Variants in ACAT2 observed in about 807,000 individuals in gnomAD.
ACAT2 encodes acetyl-CoA acetyltransferase, cytosolic.
In ACAT2, 26 loss-of-function variants were observed where a neutral mutation model predicts 37.1. The ratio of observed to expected loss-of-function variants is 0.70; its 90% CI spans 0.51 to 0.97. The LOEUF (loss-of-function observed/expected upper bound fraction) is 0.97. Ranked by LOEUF, ACAT2 falls within the 50% of genes least tolerant of loss-of-function variation. The pLI is 0.00. For missense variants in ACAT2, 468 were observed against 489.0 expected (o/e 0.96, Z 0.40); for synonymous variants, 156 against 163.6 (o/e 0.95, Z 0.35).
chr6:159,772,756 C>T (rs1448627083), intron 4 of ACAT2, among the ~76,000 whole-genome samples: 1 of 151,234 alleles, frequency 6.6e-6, no homozygotes, highest in East Asian at 1.9e-4. Context: ...TTGATTTTGC[C>T]TGTTAGTAGC....
intron 2 of ACAT2, 131 bp from the exon 3 acceptor site, chr6:159,766,874 G>A: frequency 9.5e-7 from 1 of 1,053,720 alleles, no homozygotes; most frequent in South Asian, 1.5e-5. Flanking sequence ...TTTGCCTCCA[G>A]TGGGCACTTA....
intron 4 of ACAT2, among the ~76,000 whole-genome samples, chr6:159,773,275 G>T (rs541594406): frequency 6.6e-6 from 1 of 152,296 alleles, no homozygotes; most frequent in East Asian, 1.9e-4. Flanking sequence ...TACCATGAGT[G>T]TGTGTGTATA....
intron 4 of ACAT2, among the ~76,000 whole-genome samples, chr6:159,773,536 T>C (rs1168054820): frequency 1.3e-5 from 2 of 152,190 alleles, no homozygotes; most frequent in African/African-American, 2.4e-5. Context: ...TTTCCTGTAG[T>C]GGAATTTTGA....
At chr6:159,772,885 G>T (rs7738253) in intron 4 of ACAT2, among the ~76,000 whole-genome samples, 114,857 of 151,990 alleles carry the variant, frequency 0.76, 43,777 homozygotes, top group South Asian at 0.84. Context: ...TAACTTTTTT[G>T]TGTGTGTGTG....
In ACAT2 at chr6:159,762,944, T is replaced by C. The variant is rs1324304521; in HGVS notation, c.81T>C (p.Ala27=). ...GTTCCTTCAATGGTGCCTTAGCTGC[T>C]GTTCCTGTCCAGGACCTGGGCTCCA... ...IIGSFNGALA[A]VPVQDLGSTV... Residue 27 remains alanine (A), a synonymous_variant, in exon 2 of 9, where the codon GCT becomes GCC. Transcript: ENST00000367048. The C allele has an allele frequency of 1.9e-6, 3 of 1,613,734 alleles. No homozygotes were observed. Among genetic ancestry groups the C allele is most frequent in the Admixed American group, 3.3e-5 (2 of 59,924 alleles).
At chr6:159,775,131 T>C (rs1780392455) in intron 4 of ACAT2, 39 bp from the exon 5 acceptor site, 1 of 1,609,490 alleles carries the variant, frequency 6.2e-7, no homozygotes, top group African/African-American at 1.3e-5. Flanking sequence ...TGCCAGTTCA[T>C]GAAAATGTTA....
In ACAT2 at chr6:159,775,277, A is replaced by C. The variant is rs908592706; in HGVS notation, c.598A>C (p.Lys200Gln). 6.2e-7 allele frequency: 1 copy of C among 1,614,176 alleles called. No individual in the cohort carries two copies. The change falls in exon 5 of 9, where the codon AAA becomes CAA. Residue 200 changes from lysine to glutamine, a missense_variant. By Grantham distance (53) the Lys-to-Gln change is moderately conservative. Coordinates refer to ENST00000367048, the MANE Select transcript of ACAT2 (RefSeq NM_005891.3). Reference sequence around the variant, plus strand: ...TGCACAGAAAGCTGGCCATTTTGACAAAGAGATTGTACCAGTTTTGGTGTC... The same window carrying C: ...TGCACAGAAAGCTGGCCATTTTGACCAAGAGATTGTACCAGTTTTGGTGTC... ...ENAQKAGHFD[K>Q]EIVPVLVSTR...
chr6:159,777,021 A>G (rs1562479873), intron 6 of ACAT2, among the ~76,000 whole-genome samples: 1 of 152,154 alleles, frequency 6.6e-6, no homozygotes, highest in Non-Finnish European at 1.5e-5. Context: ...TCCTGACCTC[A>G]GGTGATTCAC....
rs1307251954 is a variant in ACAT2, at chr6:159,762,099, C to T, written c.12C>T (p.Gly4=). 1.2e-5 allele frequency: 20 copies of T among 1,613,336 alleles called. No individual in the cohort carries two copies. The highest frequency in any genetic ancestry group is 3.3e-5 in the Admixed American group (2 of 59,960). The change falls in exon 1 of 9, where the codon GGC becomes GGT. Residue 4 remains glycine, a synonymous_variant. Transcript: ENST00000367048. ...GCAGGAGAAGCAAGATGAATGCAGG[C>T]TCAGATCCTGTGGTCATCGTCTCGG... MNA[G]SDPVVIVSAA...
intron 1 of ACAT2, chr6:159,762,542 G>A: frequency 1.1e-5 from 14 of 1,314,360 alleles, no homozygotes; most frequent in Non-Finnish European, 1.4e-5. Context: ...GCTGGGGTCG[G>A]GCTGTCACAC....
rs373745106 is a variant in ACAT2 at position 159,767,238 on chromosome 6, A to G, written c.372+52A>G. 1.5e-5 allele frequency: 23 copies of G among 1,583,980 alleles called. No individual in the cohort carries two copies. In the African/African-American group the frequency reaches 2.8e-4, roughly 19 times the overall value. On this transcript the variant is annotated intron_variant, in intron 3 of 8. Transcript: ENST00000367048. ...TCACTGACCTCACACTGAGAAACTCATGTCTATGCCAGAACAGAGTAAACA... is the reference window on the plus strand; with the variant it reads ...TCACTGACCTCACACTGAGAAACTCGTGTCTATGCCAGAACAGAGTAAACA...
At chr6:159,768,739 T>C (rs1780293506) in intron 4 of ACAT2, 111 bp downstream of exon 4, 1 of 594,126 alleles carries the variant, frequency 1.7e-6, no homozygotes, top group Admixed American at 2.8e-5. Flanking sequence ...GTCTTAAGGA[T>C]TTTTATATCT....
intron 1 of ACAT2, 127 bp downstream of exon 1, chr6:159,762,269 C>T: frequency 2.3e-6 from 3 of 1,309,012 alleles, no homozygotes; most frequent in Non-Finnish European, 3.1e-6. Flanking sequence ...CCGCGAGGAG[C>T]CGCGGGATCC....
intron 1 of ACAT2, 161 bp downstream of exon 1, chr6:159,762,303 T>C (rs958328123): frequency 2.5e-6 from 3 of 1,218,198 alleles, no homozygotes; most frequent in Non-Finnish European, 2.2e-6. Flanking sequence ...GCTCCCGCGT[T>C]CCCTGACCTG....
At chr6:159,767,740 C>T (rs1293012694) in intron 3 of ACAT2, among the ~76,000 whole-genome samples, 1 of 152,202 alleles carries the variant, frequency 6.6e-6, no homozygotes, top group Non-Finnish European at 1.5e-5. Context: ...ACTGATGCAG[C>T]TCAGGGGCTG....
chr6:159,763,490 T>C (rs1207220167), intron 2 of ACAT2, among the ~76,000 whole-genome samples: 3 of 152,008 alleles, frequency 2.0e-5, no homozygotes, highest in Non-Finnish European at 4.4e-5. Flanking sequence ...ACTGCAGTGA[T>C]TGTGTCACTG....
intron 4 of ACAT2, 49 bp from the exon 5 acceptor site, chr6:159,775,121 T>TG (rs1780392206): frequency 6.2e-7 from 1 of 1,602,720 alleles, no homozygotes; most frequent in East Asian, 2.3e-5. Context: ...AGCTATCAAA[T>TG]GCCAGTTCAT....
At chr6:159,773,053 C>G (rs1562478589) in intron 4 of ACAT2, among the ~76,000 whole-genome samples, 1 of 152,002 alleles carries the variant, frequency 6.6e-6, no homozygotes, top group Non-Finnish European at 1.5e-5. Flanking sequence ...GGGGTTTCAC[C>G]ATGTTGCCCA....
In ACAT2 at chr6:159,768,548, T is replaced by C. The variant is rs777296957; in HGVS notation, c.410T>C (p.Ile137Thr). The part of the protein sequence containing the change: ...HLAYLRTGVK[I>T]GEMPLTDSIL... ...GCTTACTTGAGAACAGGAGTAAAGA[T>C]AGGTGAGATGCCACTGACTGACAGT... Residue 137 changes from isoleucine (I) to threonine (T), a missense_variant, in exon 4 of 9, where the codon ATA becomes ACA. Ile to Thr is a moderately conservative substitution (Grantham distance 89, BLOSUM62 -1). Transcript: ENST00000367048. 1 of 1,614,014 alleles carries C rather than the reference T, an allele frequency of 6.2e-7. No individual in the cohort carries two copies. Among genetic ancestry groups the C allele is most frequent in the Non-Finnish European group, 8.5e-7 (1 of 1,179,890 alleles).
Sources: allele counts gnomAD v4.1 joint callset (sites outside exome capture counted in the v4.1 genomes callset), GRCh38; gene constraint gnomAD v4.1.1; transcripts MANE v1.5; gene names NCBI Gene and HGNC (gene_info 2026-07-23, HGNC 2026-07-21).